Variants in MICAL3 observed in about 807,000 individuals in gnomAD.
The protein encoded by MICAL3 is [F-actin]-monooxygenase MICAL3.
In MICAL3, 62 loss-of-function variants were observed where a neutral mutation model predicts 207.4. The observed-to-expected ratio is 0.30, with a 90% CI of 0.24 to 0.37. The LOEUF (loss-of-function observed/expected upper bound fraction) is 0.37, where lower values mean the gene tolerates loss of function less well. Among genes scored for constraint, MICAL3 ranks in the 10% least tolerant of loss-of-function variants. The probability of loss-of-function intolerance (pLI) is 1.00; values close to 1 mark genes in which losing one functional copy is unlikely to be tolerated. For synonymous variants in MICAL3, 1,077 were observed against 1,069.3 expected (o/e 1.01, Z -0.14); for missense variants, 2,368 against 2,635.6 (o/e 0.90, Z 2.22).
intron 21 of MICAL3, among the ~76,000 whole-genome samples, chr22:17,831,303 A>C (rs1322662667): frequency 6.6e-6 from 1 of 152,162 alleles, no homozygotes; most frequent in East Asian, 1.9e-4. Context: ...GCAGAATTGA[A>C]AAATCTCAAG....
intron 16 of MICAL3, among the ~76,000 whole-genome samples, chr22:17,878,680 T>A (rs1473102887): frequency 6.6e-6 from 1 of 152,134 alleles, no homozygotes; most frequent in Non-Finnish European, 1.5e-5. Context: ...AGGGTAGGAA[T>A]AACAAGAACA....
At position 17,821,920 on chromosome 22, in the gene MICAL3, G is replaced by C. The variant is rs1921693161; in HGVS notation, c.3448+110C>G. 5 of 1,359,696 alleles carry C rather than the reference G, an allele frequency of 3.7e-6. No individual in the cohort carries two copies. The African/African-American group carries it at 4.4e-5, about 12-fold the overall frequency. The allele number at this position is 1,359,696 out of a possible 1,614,324, so 84.2% of individuals were successfully genotyped here. On this transcript the variant is annotated intron_variant, in intron 24 of 31. Transcript: ENST00000441493. Reference sequence around the variant, plus strand: ...GGAGCTGCCCACACCTCGGAGGCTGGTGTGCACCATGGCTCTGCTCTGAAG... The same window carrying C: ...GGAGCTGCCCACACCTCGGAGGCTGCTGTGCACCATGGCTCTGCTCTGAAG...
chr22:17,831,710 T>A, intron 21 of MICAL3, 144 bp downstream of exon 21: 1 of 1,333,696 alleles, frequency 7.5e-7, no homozygotes, highest in Non-Finnish European at 1.0e-6. Context: ...CTGCCCCCCA[T>A]GTCTTATGTC....
At chr22:18,016,771 T>C (rs891579002) in intron 1 of MICAL3, among the ~76,000 whole-genome samples, 1 of 151,980 alleles carries the variant, frequency 6.6e-6, no homozygotes, top group Non-Finnish European at 1.5e-5. Context: ...AAACCCCGTC[T>C]CTACTAAAAA....
chr22:17,992,745 C>T (rs184502617), intron 1 of MICAL3, among the ~76,000 whole-genome samples: 21 of 152,172 alleles, frequency 1.4e-4, no homozygotes, highest in African/African-American at 4.6e-4. Flanking sequence ...TTCTTCCCTG[C>T]CTCATACTGT....
chr22:18,019,796 A>G, intron 1 of MICAL3: 1 of 165,784 alleles, frequency 6.0e-6, no homozygotes, highest in South Asian at 1.4e-4. Context: ...AGAAAATGAG[A>G]ATGCTGCTGA....
At chr22:17,947,815 C>T (rs1358943853) in intron 1 of MICAL3, among the ~76,000 whole-genome samples, 1 of 152,218 alleles carries the variant, frequency 6.6e-6, no homozygotes, top group Admixed American at 6.5e-5. Flanking sequence ...TCTCCCACTT[C>T]AGCCTCCCAA....
intron 19 of MICAL3, among the ~76,000 whole-genome samples, chr22:17,853,335 T>C (rs1324848994): frequency 1.3e-5 from 2 of 152,160 alleles, no homozygotes; most frequent in African/African-American, 4.8e-5. Context: ...ACAGCCAAGC[T>C]CTCACCTCTT....
chr22:17,893,055 G>A (rs1444817797), intron 11 of MICAL3, among the ~76,000 whole-genome samples: 1 of 152,118 alleles, frequency 6.6e-6, no homozygotes, highest in African/African-American at 2.4e-5. Flanking sequence ...CAAGGAAATC[G>A]AAGTTCAGAG....
At chr22:17,954,655 C>T (rs1422748862) in intron 1 of MICAL3, among the ~76,000 whole-genome samples, 1 of 152,126 alleles carries the variant, frequency 6.6e-6, no homozygotes, top group African/African-American at 2.4e-5. Context: ...ACACCATGGA[C>T]ACTCCAACAC....
chr22:17,842,313 G>C (rs1924102359), intron 19 of MICAL3: 1 of 400,870 alleles, frequency 2.5e-6, no homozygotes, highest in African/African-American at 2.0e-5. Context: ...AAGAGTGACT[G>C]GTGGTGAGGG....
intron 20 of MICAL3, among the ~76,000 whole-genome samples, chr22:17,833,127 C>T (rs1922988786): frequency 6.6e-6 from 1 of 152,224 alleles, no homozygotes; most frequent in African/African-American, 2.4e-5. Context: ...TGGCCACCCT[C>T]CTGCTGCAGT....
At chr22:17,839,258 A>ATTTTTTTTTTTTTT (rs58568915) in intron 20 of MICAL3, among the ~76,000 whole-genome samples, 1 of 110,394 alleles carries the variant, frequency 9.1e-6, no homozygotes, top group African/African-American at 3.8e-5. Context: ...CGGGCTCTTC[A>ATTTTTTTTTTTTTT]TTTTTTTTTT....
chr22:17,859,143 G>A (rs1365766329), intron 19 of MICAL3, among the ~76,000 whole-genome samples: 2 of 152,118 alleles, frequency 1.3e-5, no homozygotes, highest in South Asian at 2.1e-4. Flanking sequence ...GGAAAATGAC[G>A]GTGTCACAGC....
intron 1 of MICAL3, among the ~76,000 whole-genome samples, chr22:17,936,964 C>T (rs572634273): frequency 3.3e-5 from 5 of 152,296 alleles, no homozygotes; most frequent in South Asian, 4.1e-4. Context: ...GTGATGACTA[C>T]GCACGTGTCC....
rs142205805 is a variant in MICAL3 at position 17,865,802 on chromosome 22, C to T, written c.2517+122G>A. ...CCCGGACTGCCACTGCATTTCGGGC[C>T]CTCCCCGTTCCCAGGAGAGGCAAGG... On this transcript the variant is annotated intron_variant, in intron 18 of 31. Coordinates refer to ENST00000441493, the MANE Select transcript of MICAL3 (RefSeq NM_015241.3). 1.6e-4 allele frequency: 119 copies of T among 764,200 alleles called. No homozygotes were observed. The East Asian group carries it at 3.0e-3, about 20-fold the overall frequency. 47.3% of individuals were successfully genotyped at this position (764,200 alleles called of 1,614,324 possible).
intron 1 of MICAL3, among the ~76,000 whole-genome samples, chr22:17,994,293 C>A (rs1922033777): frequency 6.6e-6 from 1 of 152,202 alleles, no homozygotes; most frequent in Admixed American, 6.5e-5. Context: ...GGGTAGCTGC[C>A]ATTCCCCTGG....
chr22:17,826,900 C>T (rs11704495), intron 22 of MICAL3, among the ~76,000 whole-genome samples: 44,037 of 151,870 alleles, frequency 0.29, 6,735 homozygotes, highest in Non-Finnish European at 0.34. Context: ...TTTATGATGG[C>T]AGGAAATGCC....
chr22:17,862,146 C>T (rs1023415983), intron 19 of MICAL3: 93 of 985,326 alleles, frequency 9.4e-5, no homozygotes, highest in Non-Finnish European at 1.1e-4. Flanking sequence ...GTGCCGTCAT[C>T]ATCGCCTCTA....
Sources: allele counts gnomAD v4.1 joint callset (sites outside exome capture counted in the v4.1 genomes callset), GRCh38; gene constraint gnomAD v4.1.1; transcripts MANE v1.5; gene names NCBI Gene and HGNC (gene_info 2026-07-23, HGNC 2026-07-21).